The following PDZD2 variants were observed in gnomAD, a reference collection of about 807,000 sequenced individuals.
PDZD2 encodes PDZ domain-containing protein 2.
A neutral mutation model predicts 220.7 loss-of-function variants in PDZD2; 90 were observed. That is an observed-to-expected ratio of 0.41 (90% CI 0.34 to 0.49). PDZD2 has a LOEUF of 0.49. Among genes scored for constraint, PDZD2 ranks in the 20% least tolerant of loss-of-function variants. The pLI is 0.28. For missense variants in PDZD2, 3,174 were observed against 3,608.5 expected (o/e 0.88, Z 3.08); for synonymous variants, 1,375 against 1,450.5 (o/e 0.95, Z 1.18).
intron 21 of PDZD2, among the ~76,000 whole-genome samples, chr5:32,094,405 G>A (rs1012560783): frequency 6.6e-6 from 1 of 152,132 alleles, no homozygotes; most frequent in East Asian, 1.9e-4. Flanking sequence ...TTCTTTAGTG[G>A]TAGTATACCT....
chr5:31,913,934 A>G (rs1743423247), intron 2 of PDZD2, among the ~76,000 whole-genome samples: 1 of 103,916 alleles, frequency 9.6e-6, no homozygotes, highest in East Asian at 3.2e-4. Context: ...TCATTCTCCA[A>G]CCTCTCCCCT....
intron 1 of PDZD2, among the ~76,000 whole-genome samples, chr5:31,706,193 G>A (rs1054538310): frequency 6.6e-6 from 1 of 152,202 alleles, no homozygotes; most frequent in Non-Finnish European, 1.5e-5. Flanking sequence ...GAATGAATGA[G>A]GTGGCCAAGA....
At chr5:32,094,239 C>G (rs1285574540) in intron 21 of PDZD2, among the ~76,000 whole-genome samples, 4 of 152,134 alleles carry the variant, frequency 2.6e-5, no homozygotes, top group Non-Finnish European at 5.9e-5. Context: ...CAAATAAAAT[C>G]TTTCAGTAAA....
At chr5:31,837,663 G>T (rs1757027733) in intron 2 of PDZD2, among the ~76,000 whole-genome samples, 1 of 152,142 alleles carries the variant, frequency 6.6e-6, no homozygotes. Flanking sequence ...GGCAGAGGTT[G>T]CAGTGAGCCG....
Position 31,726,517 on chromosome 5 carries a change from G to A in PDZD2, c.-360-72372G>A, listed in dbSNP as rs754188112. Among the ~76,000 whole-genome samples, 3 of 152,234 alleles carry A rather than the reference G, an allele frequency of 2.0e-5. No individual in the cohort carries two copies. In the South Asian group the frequency reaches 6.2e-4, roughly 32 times the overall value. ...GCACTTCAGCCTGGGAGACAAGAGC[G>A]AAACTCCATCTCCAAAAAAAAGTAT... On this transcript the variant is annotated intron_variant, in intron 1 of 24. Coordinates refer to ENST00000438447, the MANE Select transcript of PDZD2 (RefSeq NM_178140.4).
chr5:31,833,467 CAAAAAAAAAAGAAAAAAAAA>C (rs150998312), intron 2 of PDZD2, among the ~76,000 whole-genome samples: 2 of 149,044 alleles, frequency 1.3e-5, no homozygotes, highest in African/African-American at 2.4e-5. Context: ...GACCCTGTCT[CAAAAAAAAAAGAAAAAAAAA>C]AAAAAAAAGA....
At chr5:31,932,513 C>T (rs748148480) in intron 2 of PDZD2, among the ~76,000 whole-genome samples, 13 of 151,794 alleles carry the variant, frequency 8.6e-5, no homozygotes, top group Non-Finnish European at 1.8e-4. Context: ...TGCACCACTG[C>T]ACTCCAGCCT....
At chr5:32,103,865 A>C (rs1402708199) in intron 24 of PDZD2, 1 of 152,340 alleles carries the variant, frequency 6.6e-6, no homozygotes, top group African/African-American at 2.4e-5. Context: ...CATCCTTCAG[A>C]TCTGCCTCCA....
chr5:31,648,940 G>A (rs1172973777), intron 1 of PDZD2, among the ~76,000 whole-genome samples: 2 of 152,132 alleles, frequency 1.3e-5, no homozygotes, highest in Non-Finnish European at 2.9e-5. Flanking sequence ...AATGTGTAAT[G>A]TCATGTATCC....
In PDZD2 at chr5:32,087,126, C is replaced by T. The variant is rs768132692; in HGVS notation, c.3683-5C>T. On this transcript the variant is annotated splice_polypyrimidine_tract_variant and splice_region_variant and intron_variant, in intron 19 of 24. Coordinates refer to ENST00000438447, the MANE Select transcript of PDZD2 (RefSeq NM_178140.4). The surrounding 1 kb of genome is among the most constrained non-coding windows in gnomAD (Gnocchi z 4.0). ...ATGTACCTTCTGTTTACGTTCCCCA[C>T]GTAGAACTGGACAGCTCCTCAGACC... 18 of 1,579,910 alleles carry T rather than the reference C, an allele frequency of 1.1e-5. No homozygotes were observed. Among genetic ancestry groups the T allele is most frequent in the Middle Eastern group, 1.7e-4 (1 of 5,984 alleles).
intron 7 of PDZD2, among the ~76,000 whole-genome samples, chr5:32,042,040 C>G (rs867194146): frequency 2.6e-5 from 1 of 38,302 alleles, no homozygotes. Context: ...ACGGTGAAAC[C>G]CTCAGGAGAT....
chr5:31,925,230 TAAC>T (rs1196993014), intron 2 of PDZD2, among the ~76,000 whole-genome samples: 14 of 151,850 alleles, frequency 9.2e-5, no homozygotes, highest in South Asian at 2.1e-4. Flanking sequence ...AAGTCTATAA[TAAC>T]TAAAACAGCA....
At chr5:31,785,252 C>A (rs1466691076) in intron 1 of PDZD2, among the ~76,000 whole-genome samples, 2 of 151,908 alleles carry the variant, frequency 1.3e-5, no homozygotes, top group Non-Finnish European at 1.5e-5. Flanking sequence ...TGACAGAATT[C>A]ATGTTTCCGA....
intron 2 of PDZD2, among the ~76,000 whole-genome samples, chr5:31,849,871 C>CGT (rs1757814919): frequency 2.0e-5 from 1 of 50,570 alleles, no homozygotes; most frequent in Non-Finnish European, 3.0e-5. Context: ...TATATATATA[C>CGT]ATATATATAT....
In PDZD2 at chr5:31,684,712, C is replaced by T. The variant is rs370711301; in HGVS notation, c.-361+45275C>T. ...TCTAGCCCCTGCCTATCTTCCTTGC[C>T]TCTTCTCTGTTACCCACAACCTGCT... On this transcript the variant is annotated intron_variant, in intron 1 of 24. Transcript: ENST00000438447. 8.5e-5 allele frequency among the ~76,000 whole-genome samples: 13 copies of T among 152,272 alleles called. No individual in the cohort carries two copies. The East Asian group carries it at 2.1e-3, about 25-fold the overall frequency.
chr5:31,778,698 C>T (rs1010112584), intron 1 of PDZD2, among the ~76,000 whole-genome samples: 11 of 152,282 alleles, frequency 7.2e-5, no homozygotes, highest in African/African-American at 1.9e-4. Context: ...GGAGGGTCCG[C>T]GGCTTCATTG....
chr5:31,865,867 G>A (rs998616317), intron 2 of PDZD2, among the ~76,000 whole-genome samples: 8 of 150,600 alleles, frequency 5.3e-5, no homozygotes, highest in Admixed American at 4.0e-4. Flanking sequence ...TCCTGACCTC[G>A]TGATCTGCCC....
At position 31,905,217 on chromosome 5, in the gene PDZD2, G is replaced by A. The variant is rs927793996; in HGVS notation, c.477-77938G>A. On this transcript the variant is annotated intron_variant, in intron 2 of 24. Transcript: ENST00000438447. ...GCTGGTCTCAAACTCCTGGCCTCAGGTGATCCACCGCCCTCCTCAGCCTCC... is the reference window on the plus strand; with the variant it reads ...GCTGGTCTCAAACTCCTGGCCTCAGATGATCCACCGCCCTCCTCAGCCTCC... Among the ~76,000 whole-genome samples the A allele has an allele frequency of 4.6e-5, 7 of 152,050 alleles. No individual in the cohort carries two copies. In the East Asian group the frequency reaches 1.4e-3, roughly 29 times the overall value.
intron 6 of PDZD2, among the ~76,000 whole-genome samples, chr5:32,028,739 G>A (rs895547974): frequency 6.8e-6 from 1 of 147,552 alleles, no homozygotes; most frequent in African/African-American, 2.5e-5. Flanking sequence ...CTGGAGTGCA[G>A]TGGCACAACC....
Sources: allele counts gnomAD v4.1 joint callset (sites outside exome capture counted in the v4.1 genomes callset), GRCh38; gene constraint gnomAD v4.1.1; non-coding constraint Gnocchi (gnomAD v3.1); transcripts MANE v1.5; gene names NCBI Gene and HGNC (gene_info 2026-07-23, HGNC 2026-07-21).